STK3: variants seen among roughly 807,000 people sequenced by gnomAD.
STK3 encodes serine/threonine-protein kinase 3.
STK3 carries 41 observed loss-of-function variants against 58.0 expected under a neutral mutation model. The ratio of observed to expected loss-of-function variants is 0.71; its 90% confidence interval spans 0.55 to 0.92. The LOEUF (loss-of-function observed/expected upper bound fraction) is 0.92. Among genes scored for constraint, STK3 ranks in the 40% least tolerant of loss-of-function variants. The probability of loss-of-function intolerance (pLI) is 0.00; values close to 1 mark genes in which losing one functional copy is unlikely to be tolerated. For missense variants in STK3, 479 were observed against 602.7 expected, an observed-to-expected ratio of 0.79 and a Z score of 2.15; for synonymous variants, 170 against 191.0, an observed-to-expected ratio of 0.89 and a Z score of 0.91.
intron 8 of STK3, among the ~76,000 whole-genome samples, chr8:98,572,416 T>C (rs915607715): frequency 6.6e-6 from 1 of 152,130 alleles, no homozygotes; most frequent in Non-Finnish European, 1.5e-5. Context: ...TTCAATGAAA[T>C]AAATTGTCCT....
intron 8 of STK3, among the ~76,000 whole-genome samples, chr8:98,560,386 T>C (rs1410791456): frequency 6.6e-6 from 1 of 151,750 alleles, no homozygotes; most frequent in African/African-American, 2.4e-5. Context: ...ACAAGGGCAA[T>C]ACACAAAAGT....
intron 10 of STK3, among the ~76,000 whole-genome samples, chr8:98,474,902 C>T (rs1821194146): frequency 6.6e-6 from 1 of 152,110 alleles, no homozygotes; most frequent in Admixed American, 6.5e-5. Flanking sequence ...TTCTTTAGAT[C>T]CCCAAATTTA....
chr8:98,535,182 A>G (rs1045518424), intron 9 of STK3, among the ~76,000 whole-genome samples: 2 of 152,330 alleles, frequency 1.3e-5, no homozygotes, highest in South Asian at 2.1e-4. Context: ...TAACTGCTGG[A>G]AAAGTAAGAA....
At chr8:98,423,327 C>A (rs561965772) in intron 3 of STK3, among the ~76,000 whole-genome samples, 12 of 152,346 alleles carry the variant, frequency 7.9e-5, no homozygotes, top group African/African-American at 2.4e-4. Context: ...CAAGAAGGGG[C>A]CTGCCCCGTG....
chr8:98,616,947 C>A (rs1817785259), intron 6 of STK3, among the ~76,000 whole-genome samples: 1 of 152,176 alleles, frequency 6.6e-6, no homozygotes, highest in South Asian at 2.1e-4. Context: ...TAACTCATCT[C>A]CGCACCAAGC....
chr8:98,841,681 C>CAAA (rs10605812), intron 3 of STK3, among the ~76,000 whole-genome samples: 23 of 86,488 alleles, frequency 2.7e-4, no homozygotes, highest in East Asian at 9.9e-4. Context: ...GACCTGGTCT[C>CAAA]AAAAAAAAAA....
At chr8:98,453,500 T>G (rs1335735618), downstream of STK3, among the ~76,000 whole-genome samples, 1 of 152,214 alleles carries the variant, frequency 6.6e-6, no homozygotes, top group Non-Finnish European at 1.5e-5. Flanking sequence ...CTAAAATGTT[T>G]TGGAGTTTCC....
At chr8:98,590,578 T>C (rs1383289107) in intron 7 of STK3, among the ~76,000 whole-genome samples, 1 of 152,212 alleles carries the variant, frequency 6.6e-6, no homozygotes, top group East Asian at 1.9e-4. Flanking sequence ...GACGGGGGAT[T>C]GATCTCCCAA....
intron 3 of STK3, among the ~76,000 whole-genome samples, chr8:98,873,960 T>C (rs1837472490): frequency 6.6e-6 from 1 of 152,246 alleles, no homozygotes; most frequent in African/African-American, 2.4e-5. Context: ...CAATCTGGCT[T>C]GTTTTTGCAG....
At chr8:98,760,117 G>A (rs1189958077) in intron 3 of STK3, among the ~76,000 whole-genome samples, 3 of 151,872 alleles carry the variant, frequency 2.0e-5, no homozygotes, top group African/African-American at 7.3e-5. Flanking sequence ...GGATACAGAG[G>A]GCTAACTGTA....
intron 1 of STK3, among the ~76,000 whole-genome samples, chr8:98,446,035 C>A (rs1193451366): frequency 6.6e-6 from 1 of 152,192 alleles, no homozygotes; most frequent in African/African-American, 2.4e-5. Context: ...AGACAAACTA[C>A]CCTCACTGCT....
chr8:98,567,259 G>T (rs112549072), intron 8 of STK3, among the ~76,000 whole-genome samples: 1 of 152,140 alleles, frequency 6.6e-6, no homozygotes, highest in Non-Finnish European at 1.5e-5. Flanking sequence ...CTGCAGTGGC[G>T]CAAAGTCGAC....
chr8:98,625,689 G>A (rs973857424), intron 6 of STK3, among the ~76,000 whole-genome samples: 2 of 152,202 alleles, frequency 1.3e-5, no homozygotes, highest in Non-Finnish European at 2.9e-5. Flanking sequence ...GAATCTATTT[G>A]GCAAAATTTC....
intron 3 of STK3, among the ~76,000 whole-genome samples, chr8:98,755,587 G>C (rs1302582486): frequency 6.6e-6 from 1 of 152,128 alleles, no homozygotes; most frequent in East Asian, 1.9e-4. Context: ...TTTCTCCACT[G>C]AACTGCTGTG....
chr8:98,404,062 G>A (rs1817969795), intron 3 of STK3, among the ~76,000 whole-genome samples: 1 of 152,242 alleles, frequency 6.6e-6, no homozygotes, highest in Admixed American at 6.5e-5. Context: ...GATTGAGGCA[G>A]AGTTTATGCA....
At chr8:98,491,584 G>A (rs890571370) in intron 10 of STK3, among the ~76,000 whole-genome samples, 2 of 152,236 alleles carry the variant, frequency 1.3e-5, no homozygotes. Flanking sequence ...GGAATTACAA[G>A]CGTGTGCCAC....
chr8:98,426,116 C>G (rs936446701), intron 3 of STK3, among the ~76,000 whole-genome samples: 4 of 152,140 alleles, frequency 2.6e-5, no homozygotes, highest in African/African-American at 9.7e-5. Flanking sequence ...TCTACCAGTC[C>G]CCACTCCAGC....
chr8:98,817,459 A>C (rs1834629797), intron 1 of STK3, among the ~76,000 whole-genome samples: 1 of 151,738 alleles, frequency 6.6e-6, no homozygotes, highest in East Asian at 1.9e-4. Flanking sequence ...ATCTCAAAAA[A>C]AAAAAAAAAA....
intron 3 of STK3, among the ~76,000 whole-genome samples, chr8:98,423,395 C>T (rs756911364): frequency 2.0e-4 from 30 of 152,204 alleles, no homozygotes; most frequent in Non-Finnish European, 2.9e-4. Flanking sequence ...GGGAGCAAAG[C>T]GGGCATGCGG....
Sources: gnomAD v4.1 joint callset for allele counts (sites outside exome capture counted in the v4.1 genomes callset) on GRCh38, gnomAD v4.1.1 for gene constraint, MANE v1.5 for transcripts, NCBI Gene and HGNC (gene_info 2026-07-23, HGNC 2026-07-21) for gene names.